UNC80: variants seen among roughly 807,000 people sequenced by gnomAD.
UNC80 encodes unc-80 subunit of NALCN channel complex.
A neutral mutation model predicts 384.6 loss-of-function variants in UNC80; 164 were observed. The observed-to-expected ratio is 0.43, with a 90% CI of 0.38 to 0.49. The LOEUF (loss-of-function observed/expected upper bound fraction) is 0.49. Among genes scored for constraint, UNC80 ranks in the 20% least tolerant of loss-of-function variants. The probability of loss-of-function intolerance (pLI) is 0.00; values close to 1 mark genes in which losing one functional copy is unlikely to be tolerated. For missense variants in UNC80, 3,330 were observed against 4,143.0 expected (o/e 0.80, Z 5.39); for synonymous variants, 1,486 against 1,527.8 (o/e 0.97, Z 0.64).
intron 7 of UNC80, among the ~76,000 whole-genome samples, chr2:209,804,532 A>T (rs902032941): frequency 6.6e-6 from 1 of 152,066 alleles, no homozygotes; most frequent in African/African-American, 2.4e-5. Context: ...AATTATTTTT[A>T]AAACTTTGTG....
chr2:209,992,026 A>G, intron 61 of UNC80, 140 bp from the exon 62 acceptor site: 1 of 601,954 alleles, frequency 1.7e-6, no homozygotes, highest in Non-Finnish European at 2.7e-6. Flanking sequence ...CACCCATCCC[A>G]GGGACTCTCC....
intron 23 of UNC80, among the ~76,000 whole-genome samples, chr2:209,876,273 T>A (rs1007349256): frequency 1.3e-5 from 2 of 152,196 alleles, no homozygotes; most frequent in Non-Finnish European, 2.9e-5. Flanking sequence ...ATCTTTCTTA[T>A]GTGGGCTTAT....
chr2:209,985,893 A>T (rs1021990863), intron 61 of UNC80, among the ~76,000 whole-genome samples: 18 of 152,172 alleles, frequency 1.2e-4, no homozygotes, highest in African/African-American at 3.9e-4. Flanking sequence ...CATCTTGTTC[A>T]GATTTCACAT....
intron 47 of UNC80, among the ~76,000 whole-genome samples, chr2:209,947,873 T>A (rs2091983371): frequency 1.3e-5 from 2 of 152,172 alleles, no homozygotes. Context: ...CTATCCTGAT[T>A]TCTAATATGA....
chr2:209,892,966 G>T (rs910129767), intron 26 of UNC80, among the ~76,000 whole-genome samples: 8 of 152,190 alleles, frequency 5.3e-5, no homozygotes, highest in Admixed American at 4.6e-4. Context: ...CAGCTGCATG[G>T]TGATAATTTT....
chr2:209,961,603 T>C (rs2092592612), intron 51 of UNC80, among the ~76,000 whole-genome samples: 1 of 152,196 alleles, frequency 6.6e-6, no homozygotes. Flanking sequence ...TAAGATCATA[T>C]TAGATATTAT....
intron 18 of UNC80, 43 bp downstream of exon 18, chr2:209,835,053 C>T (rs754979006): frequency 7.1e-7 from 1 of 1,409,606 alleles, no homozygotes; most frequent in Non-Finnish European, 9.8e-7. Flanking sequence ...CGGCTATGCA[C>T]TTCACTCTGG....
At chr2:209,971,573 A>T (rs181330006) in intron 54 of UNC80, among the ~76,000 whole-genome samples, 4 of 151,728 alleles carry the variant, frequency 2.6e-5, no homozygotes, top group African/African-American at 9.6e-5. Context: ...AATGGAAAGT[A>T]CACAACTGAT....
chr2:209,831,048 A>G (rs1431116718), intron 15 of UNC80, among the ~76,000 whole-genome samples: 4 of 152,004 alleles, frequency 2.6e-5, no homozygotes, highest in Admixed American at 6.5e-5. Flanking sequence ...TCTCACCACC[A>G]GAAAGCTTGA....
rs572371491 is a variant in UNC80 at position 209,965,764 on chromosome 2, T to C, written c.7806-1673T>C. Among the ~76,000 whole-genome samples the C allele has an allele frequency of 7.9e-5, 12 of 152,132 alleles. 1 individual carries two copies. The Middle Eastern group carries it at 0.017, about 216-fold the overall frequency. ...GATTTTTGGAGGTCCTGGGAAACTG[T>C]ATTTTTTCGTTTTCCTTTTAAGCTG... On this transcript the variant is annotated intron_variant, in intron 51 of 64. Coordinates refer to ENST00000673920, the MANE Select transcript of UNC80 (RefSeq NM_001371986.1).
chr2:209,946,493 T>C (rs1436087964), intron 47 of UNC80, among the ~76,000 whole-genome samples: 1 of 152,212 alleles, frequency 6.6e-6, no homozygotes, highest in Non-Finnish European at 1.5e-5. Context: ...AATTTGAATT[T>C]TGTGCAGATG....
chr2:209,793,939 C>T, intron 7 of UNC80, 80 bp downstream of exon 7: 1 of 1,515,228 alleles, frequency 6.6e-7, no homozygotes, highest in Non-Finnish European at 9.1e-7. Flanking sequence ...ACTTCGATAG[C>T]CTCTGTTCCT....
Position 209,939,640 on chromosome 2 carries a change from A to G in UNC80, c.6634A>G (p.Ser2212Gly). 1.3e-6 allele frequency: 2 copies of G among 1,550,184 alleles called. No individual in the cohort carries two copies. Among genetic ancestry groups the G allele is most frequent in the Non-Finnish European group, 1.7e-6 (2 of 1,146,014 alleles). The change falls in exon 43 of 65, where the codon AGT becomes GGT. Residue 2212 changes from serine to glycine, a missense_variant. Transcript: ENST00000673920. ...SAIDAEFSLF[S>G]DPQAGKELFG... is the part of the protein sequence containing the mutation. ...TATTGATGCTGAGTTTTCACTCTTC[A>G]GTGATCCTCAAGGTATCAAACAAAG...
chr2:209,868,856 C>T (rs1329737792), intron 22 of UNC80, among the ~76,000 whole-genome samples: 1 of 152,094 alleles, frequency 6.6e-6, no homozygotes, highest in Non-Finnish European at 1.5e-5. Context: ...TTTGCCTTCC[C>T]AGTTAAAATC....
chr2:209,950,346 T>C (rs908676808), intron 47 of UNC80, among the ~76,000 whole-genome samples: 4 of 151,858 alleles, frequency 2.6e-5, no homozygotes, highest in Non-Finnish European at 5.9e-5. Context: ...AAAAAAAAAA[T>C]TTTAATGACT....
chr2:209,934,534 T>G (rs559503866), intron 39 of UNC80, among the ~76,000 whole-genome samples: 1 of 152,324 alleles, frequency 6.6e-6, no homozygotes, highest in East Asian at 1.9e-4. Flanking sequence ...TGGACAATTC[T>G]TTATCCTTGT....
chr2:209,772,639 G>A (rs955400167), intron 1 of UNC80, among the ~76,000 whole-genome samples: 3 of 152,062 alleles, frequency 2.0e-5, no homozygotes, highest in Non-Finnish European at 4.4e-5. Context: ...TTTGTGATAA[G>A]GGACCTTCCC....
At chr2:209,876,399 G>A (rs1342744352) in intron 23 of UNC80, among the ~76,000 whole-genome samples, 1 of 152,132 alleles carries the variant, frequency 6.6e-6, no homozygotes, top group African/African-American at 2.4e-5. Context: ...GATGAATGAA[G>A]GAAGAGACGA....
chr2:209,991,418 G>A (rs2093388976), intron 61 of UNC80, among the ~76,000 whole-genome samples: 1 of 152,074 alleles, frequency 6.6e-6, no homozygotes, highest in Non-Finnish European at 1.5e-5. Flanking sequence ...CACTAAAATA[G>A]CAACTATTTC....
Sources: allele counts gnomAD v4.1 joint callset (sites outside exome capture counted in the v4.1 genomes callset), GRCh38; gene constraint gnomAD v4.1.1; transcripts MANE v1.5; gene names NCBI Gene and HGNC (gene_info 2026-07-23, HGNC 2026-07-21).